Variants in INPP5F observed in about 807,000 individuals in gnomAD.
The protein encoded by INPP5F is phosphatidylinositide 4-phosphatase SAC2.
A neutral mutation model predicts 137.2 loss-of-function variants in INPP5F; 97 were observed. That is an observed-to-expected ratio of 0.71 (90% CI 0.60 to 0.84). The LOEUF is 0.84. Among genes scored for constraint, INPP5F ranks in the 40% least tolerant of loss-of-function variants. The pLI is 0.00. For missense variants in INPP5F, 1,271 were observed against 1,371.9 expected (o/e 0.93, Z 1.16); for synonymous variants, 504 against 476.9 (o/e 1.06, Z -0.74).
At chr10:119,726,473 G>A (rs549883122) in intron 1 of INPP5F, 114 bp downstream of exon 1, 2 of 454,618 alleles carry the variant, frequency 4.4e-6, no homozygotes, top group African/African-American at 2.1e-5. Context: ...GGTGAGGCGG[G>A]GCGGGGCGGG....
Position 119,797,538 on chromosome 10 carries a change from G to A in INPP5F, c.946G>A (p.Val316Ile), listed in dbSNP as rs149020910. The change falls in exon 8 of 20, where the codon GTT becomes ATT. Residue 316 changes from valine (V) to isoleucine (I), a missense_variant. Physicochemically the swap from Val to Ile is conservative, Grantham distance 29 (BLOSUM62 3). Transcript: ENST00000650623. ...TGTGGAGACTGAGCAGTTGATTCAT[G>A]TTCATAATCATACCCTGTCATTTGT... is the stretch of plus-strand genomic sequence containing the variant. ...NYVETEQLIH[V>I]HNHTLSFVQT... 7 of 1,612,654 alleles carry A rather than the reference G, an allele frequency of 4.3e-6. No homozygotes were observed. In the African/African-American group the frequency reaches 9.3e-5, roughly 22 times the overall value.
chr10:119,746,572 G>A (rs529028524), intron 1 of INPP5F, among the ~76,000 whole-genome samples: 1 of 152,312 alleles, frequency 6.6e-6, no homozygotes, highest in South Asian at 2.1e-4. Context: ...AACTAACAGA[G>A]ATGAAATCAG....
chr10:119,777,747 A>T (rs2134172428), intron 2 of INPP5F, among the ~76,000 whole-genome samples: 1 of 152,270 alleles, frequency 6.6e-6, no homozygotes, highest in East Asian at 1.9e-4. Context: ...ATGTCCATTC[A>T]TGCCTGATGA....
At position 119,823,124 on chromosome 10, in the gene INPP5F, T is replaced by C; in HGVS notation, c.2086T>C (p.Tyr696His). Reference protein sequence around the residue: ...KPKFSCMRLHYRYKEASGYFH... With the variant: ...KPKFSCMRLHHRYKEASGYFH... ...AAAGTTCTCCTGCATGCGACTGCACTACAGATACAAAGAAGCGAGTGGCTA... is the reference window on the plus strand; with the variant it reads ...AAAGTTCTCCTGCATGCGACTGCACCACAGATACAAAGAAGCGAGTGGCTA... Residue 696 changes from tyrosine to histidine, a missense_variant, in exon 18 of 20, where the codon TAC becomes CAC. By Grantham distance (83) the Tyr-to-His change is moderately conservative. Around this residue, in one of 6 missense-constraint regions of INPP5F, gnomAD observed 593 missense variants for 712.4 expected, o/e 0.83. Transcript: ENST00000650623. The C allele has an allele frequency of 1.9e-6, 3 of 1,614,130 alleles. No homozygotes were observed. Among genetic ancestry groups the C allele is most frequent in the Non-Finnish European group, 2.5e-6 (3 of 1,179,962 alleles).
chr10:119,758,903 C>A (rs371966887), intron 2 of INPP5F, among the ~76,000 whole-genome samples: 1 of 152,216 alleles, frequency 6.6e-6, no homozygotes, highest in African/African-American at 2.4e-5. Context: ...TTTTAGTCTT[C>A]TGTCTATGGA....
intron 2 of INPP5F, among the ~76,000 whole-genome samples, chr10:119,770,330 T>C (rs1849300603): frequency 6.6e-6 from 1 of 152,252 alleles, no homozygotes; most frequent in South Asian, 2.1e-4. Flanking sequence ...AAATGGTAGC[T>C]TTAATTGAAC....
intron 13 of INPP5F, among the ~76,000 whole-genome samples, chr10:119,808,715 TACTC>T (rs1850903672): frequency 6.6e-6 from 1 of 152,216 alleles, no homozygotes; most frequent in Non-Finnish European, 1.5e-5. Flanking sequence ...GTAAATAAAT[TACTC>T]AGTCTGAGGG....
At chr10:119,742,963 G>A (rs1043293112) in intron 1 of INPP5F, among the ~76,000 whole-genome samples, 1 of 152,124 alleles carries the variant, frequency 6.6e-6, no homozygotes, top group Non-Finnish European at 1.5e-5. Context: ...TTGCACTCCA[G>A]CCTGGGCGAC....
chr10:119,786,254 T>C (rs1181793374), intron 3 of INPP5F, among the ~76,000 whole-genome samples: 1 of 152,174 alleles, frequency 6.6e-6, no homozygotes, highest in Non-Finnish European at 1.5e-5. Flanking sequence ...CTTTTTGAGA[T>C]CGCGTGTTTC....
intron 15 of INPP5F, among the ~76,000 whole-genome samples, chr10:119,820,155 T>C (rs888188220): frequency 1.3e-5 from 2 of 152,220 alleles, no homozygotes; most frequent in Admixed American, 6.5e-5. Flanking sequence ...AATTTTCTTA[T>C]TGGTAATTTT....
chr10:119,765,874 TATATATAG>T lies in INPP5F; in HGVS notation c.178+14720_178+14727del, dbSNP rs745610562. Among the ~76,000 whole-genome samples the T allele has an allele frequency of 1.1e-4, 4 of 37,386 alleles. No homozygotes were observed. The East Asian group carries it at 3.1e-3, about 29-fold the overall frequency. 24.5% of individuals were successfully genotyped at this position (37,386 alleles called of 152,430 possible). On this transcript the variant is annotated intron_variant, in intron 2 of 19. Transcript: ENST00000650623. ...CTGTATACACTATATACTATATATA[TATATATAG>T]AGAGAGAGAGAGAGAGACGGAGATT...
rs767700933 is a variant in INPP5F at position 119,781,688 on chromosome 10, C to A, written c.232C>A (p.Pro78Thr). The change falls in exon 3 of 20, where the codon CCA (proline) becomes ACA (threonine). Residue 78 changes from proline to threonine, a missense_variant. Coordinates refer to ENST00000650623, the MANE Select transcript of INPP5F (RefSeq NM_014937.4). The stretch of plus-strand genomic sequence containing the variant: ...GCAGAAAGCATTGGTGGGCAAACTC[C>A]CAGGAGACCATGAGGTCTGTAAAGT... ...IRQKALVGKL[P>T]GDHEVCKVTK... 4.3e-6 allele frequency: 7 copies of A among 1,612,360 alleles called. No individual in the cohort carries two copies. The African/African-American group carries it at 9.4e-5, about 22-fold the overall frequency.
At chr10:119,804,035 G>T (rs776276543) in intron 9 of INPP5F, 138 bp from the exon 10 acceptor site, 17 of 563,010 alleles carry the variant, frequency 3.0e-5, no homozygotes, top group Non-Finnish European at 4.4e-5. Flanking sequence ...TAATTTCTAA[G>T]TATGGCTATA....
At chr10:119,768,385 C>T (rs893210478) in intron 2 of INPP5F, 1 of 152,238 alleles carries the variant, frequency 6.6e-6, no homozygotes, top group Non-Finnish European at 1.5e-5. Context: ...ACGGCAGCCT[C>T]TTGGGAGGGG....
intron 19 of INPP5F, among the ~76,000 whole-genome samples, chr10:119,825,782 G>A (rs755859922): frequency 1.3e-5 from 2 of 152,154 alleles, no homozygotes; most frequent in Non-Finnish European, 2.9e-5. Flanking sequence ...CTAGTGAAGA[G>A]AGCCATTTGG....
intron 3 of INPP5F, among the ~76,000 whole-genome samples, chr10:119,786,009 C>G (rs1849899681): frequency 6.6e-6 from 1 of 152,202 alleles, no homozygotes; most frequent in South Asian, 2.1e-4. Context: ...ATTTGCGTAT[C>G]TCATTGCCTT....
chr10:119,820,169 A>G (rs1851498081), intron 15 of INPP5F, among the ~76,000 whole-genome samples: 1 of 152,232 alleles, frequency 6.6e-6, no homozygotes, highest in Admixed American at 6.5e-5. Context: ...TAATTTTACA[A>G]GGATGTACAT....
chr10:119,775,449 G>A (rs2134168710), intron 2 of INPP5F, among the ~76,000 whole-genome samples: 1 of 152,032 alleles, frequency 6.6e-6, no homozygotes, highest in South Asian at 2.1e-4. Flanking sequence ...TTTTTTTGTA[G>A]AGACAGGGTT....
chr10:119,781,488 T>C, intron 2 of INPP5F, 147 bp from the exon 3 acceptor site: 1 of 567,528 alleles, frequency 1.8e-6, no homozygotes, highest in East Asian at 3.1e-5. Flanking sequence ...AGGGTCATTT[T>C]ATGTCTTTGT....
Sources: allele counts gnomAD v4.1 joint callset (sites outside exome capture counted in the v4.1 genomes callset), GRCh38; gene constraint gnomAD v4.1.1; regional missense constraint gnomAD v4.1.1; transcripts MANE v1.5; gene names NCBI Gene and HGNC (gene_info 2026-07-23, HGNC 2026-07-21).